Variants in B3GALT1 observed in about 807,000 individuals in gnomAD.
The protein encoded by B3GALT1 is UDP-Gal:betaGlcNAc beta 1,3-galactosyltransferase, polypeptide 1.
B3GALT1 carries 10 observed loss-of-function variants against 23.2 expected under a neutral mutation model. That is an observed-to-expected ratio of 0.43 (90% confidence interval 0.27 to 0.73). The LOEUF (loss-of-function observed/expected upper bound fraction) is 0.73. Among genes scored for constraint, B3GALT1 ranks in the 30% least tolerant of loss-of-function variants. The pLI, the probability that B3GALT1 is intolerant of heterozygous loss-of-function variation, is 0.21. For synonymous variants in B3GALT1, 156 were observed against 141.5 expected, an observed-to-expected ratio of 1.10 and a Z score of -0.73; for missense variants, 299 against 405.4, an observed-to-expected ratio of 0.74 and a Z score of 2.25.
intron 4 of B3GALT1, among the ~76,000 whole-genome samples, chr2:167,838,271 G>C (rs1488501827): frequency 3.5e-4 from 53 of 152,338 alleles, no homozygotes; most frequent in African/African-American, 1.2e-3. Context: ...AAAATTGATA[G>C]ACCACTAGCA....
intron 3 of B3GALT1, among the ~76,000 whole-genome samples, chr2:167,788,688 G>A (rs1198299081): frequency 6.6e-6 from 1 of 152,022 alleles, no homozygotes; most frequent in East Asian, 1.9e-4. Context: ...CCAGGCCACA[G>A]ACCGGTACCA....
At chr2:167,673,958 G>A (rs1686380146) in intron 3 of B3GALT1, among the ~76,000 whole-genome samples, 1 of 152,006 alleles carries the variant, frequency 6.6e-6, no homozygotes, top group Non-Finnish European at 1.5e-5. Flanking sequence ...TAATCATATA[G>A]TTAGATCATT....
At chr2:167,804,502 A>G (rs1239879661) in intron 3 of B3GALT1, among the ~76,000 whole-genome samples, 1 of 151,462 alleles carries the variant, frequency 6.6e-6, no homozygotes, top group Non-Finnish European at 1.5e-5. Flanking sequence ...AACAGGCCCC[A>G]GTGTGTGATG....
chr2:167,856,557 A>G (rs1690003718), intron 4 of B3GALT1, among the ~76,000 whole-genome samples: 1 of 152,130 alleles, frequency 6.6e-6, no homozygotes. Flanking sequence ...CAGCAAAGTG[A>G]GCAGAAGGAC....
chr2:167,850,872 T>C (rs1039207048), intron 4 of B3GALT1, among the ~76,000 whole-genome samples: 2 of 152,168 alleles, frequency 1.3e-5, no homozygotes, highest in African/African-American at 4.8e-5. Flanking sequence ...CAGTGTATAT[T>C]GCTTGGGTGA....
At chr2:167,800,122 A>G (rs796111831) in intron 3 of B3GALT1, among the ~76,000 whole-genome samples, 15 of 152,328 alleles carry the variant, frequency 9.8e-5, no homozygotes, top group African/African-American at 3.6e-4. Flanking sequence ...AATGAATATA[A>G]AAAGTTCATG....
At chr2:167,670,596 T>C (rs1307573987) in intron 3 of B3GALT1, among the ~76,000 whole-genome samples, 2 of 152,138 alleles carry the variant, frequency 1.3e-5, no homozygotes, top group Non-Finnish European at 2.9e-5. Context: ...TGGCAAGTAG[T>C]TCAAAATAAT....
chr2:167,353,977 A>G (rs1451918728), intron 1 of B3GALT1, among the ~76,000 whole-genome samples: 1 of 152,178 alleles, frequency 6.6e-6, no homozygotes, highest in African/African-American at 2.4e-5. Context: ...TCATAAATGT[A>G]CAATGTATGG....
At chr2:167,412,998 T>C (rs1181202629) in intron 1 of B3GALT1, among the ~76,000 whole-genome samples, 1 of 152,184 alleles carries the variant, frequency 6.6e-6, no homozygotes. Context: ...TCTATTGTGA[T>C]AGAAATCAGA....
At chr2:167,396,520 A>ATG (rs1698098649) in intron 1 of B3GALT1, among the ~76,000 whole-genome samples, 14 of 53,114 alleles carry the variant, frequency 2.6e-4, no homozygotes, top group Non-Finnish European at 5.0e-4. Context: ...GTCTGCAAAT[A>ATG]TATATATATA....
At chr2:167,743,037 T>C (rs749177038) in intron 3 of B3GALT1, among the ~76,000 whole-genome samples, 1 of 152,192 alleles carries the variant, frequency 6.6e-6, no homozygotes, top group Non-Finnish European at 1.5e-5. Flanking sequence ...ATAGCCTTCA[T>C]GATGTACTTT....
intron 3 of B3GALT1, among the ~76,000 whole-genome samples, chr2:167,802,402 GT>G (rs1197132953): frequency 2.0e-5 from 3 of 152,128 alleles, no homozygotes; most frequent in Non-Finnish European, 4.4e-5. Flanking sequence ...TTGTGTGGTT[GT>G]TTTTTATCAT....
chr2:167,502,226 G>A (rs1699858262), intron 2 of B3GALT1, among the ~76,000 whole-genome samples: 1 of 152,130 alleles, frequency 6.6e-6, no homozygotes, highest in African/African-American at 2.4e-5. Context: ...AACAAGGTAA[G>A]ATGAGCAAAT....
intron 1 of B3GALT1, among the ~76,000 whole-genome samples, chr2:167,433,828 A>G (rs1342064062): frequency 2.6e-5 from 4 of 152,174 alleles, no homozygotes; most frequent in Non-Finnish European, 5.9e-5. Context: ...GGGGAGGCTG[A>G]GGTGGGAAGA....
chr2:167,464,191 C>A (rs889072239), intron 1 of B3GALT1, among the ~76,000 whole-genome samples: 2 of 151,438 alleles, frequency 1.3e-5, no homozygotes, highest in Non-Finnish European at 2.9e-5. Context: ...GATCTATTTT[C>A]ACTTAATGAT....
intron 1 of B3GALT1, among the ~76,000 whole-genome samples, chr2:167,439,931 A>G (rs1213259002): frequency 7.1e-6 from 1 of 141,806 alleles, no homozygotes; most frequent in African/African-American, 3.0e-5. Flanking sequence ...TCACAGCTAC[A>G]TTATAACAAT....
chr2:167,451,880 G>A (rs1002164630), intron 1 of B3GALT1, among the ~76,000 whole-genome samples: 2 of 152,100 alleles, frequency 1.3e-5, no homozygotes, highest in Admixed American at 1.3e-4. Context: ...GGAGGATGGC[G>A]GTGTGGTTCT....
chr2:167,586,567 G>A (rs574238880), intron 2 of B3GALT1, among the ~76,000 whole-genome samples: 7 of 152,252 alleles, frequency 4.6e-5, no homozygotes, highest in African/African-American at 1.4e-4. Flanking sequence ...CCAAAGTGCC[G>A]GGATTACAGG....
At chr2:167,658,867 A>G (rs1248873228) in intron 3 of B3GALT1, among the ~76,000 whole-genome samples, 1 of 152,110 alleles carries the variant, frequency 6.6e-6, no homozygotes, top group East Asian at 1.9e-4. Flanking sequence ...AATCAAGGCC[A>G]TGTAGATTTG....
Sources: allele counts gnomAD v4.1 joint callset (sites outside exome capture counted in the v4.1 genomes callset), GRCh38; gene constraint gnomAD v4.1.1; transcripts MANE v1.5; gene names NCBI Gene and HGNC (gene_info 2026-07-23, HGNC 2026-07-21).